The following SORCS3 variants were observed in gnomAD, a reference collection of about 807,000 sequenced individuals.
SORCS3 encodes the protein VPS10 domain-containing receptor SorCS3.
A neutral mutation model predicts 146.3 loss-of-function variants in SORCS3; 57 were observed. The ratio of observed to expected loss-of-function variants is 0.39; its 90% confidence interval spans 0.31 to 0.49. The LOEUF (loss-of-function observed/expected upper bound fraction) is 0.49, where lower values mean the gene tolerates loss of function less well. Among genes scored for constraint, SORCS3 ranks in the 20% least tolerant of loss-of-function variants. The pLI, the probability that SORCS3 is intolerant of heterozygous loss-of-function variation, is 0.92. For missense variants in SORCS3, 1,341 were observed against 1,575.5 expected (o/e 0.85, Z 2.52); for synonymous variants, 653 against 618.5 (o/e 1.06, Z -0.83).
chr10:104,751,057 C>T (rs772939031), intron 1 of SORCS3, among the ~76,000 whole-genome samples: 5 of 151,992 alleles, frequency 3.3e-5, no homozygotes, highest in African/African-American at 1.2e-4. Context: ...GGGAGAAGCA[C>T]ACAGCAAGAA....
intron 1 of SORCS3, among the ~76,000 whole-genome samples, chr10:104,649,721 A>C (rs894968049): frequency 3.3e-5 from 5 of 152,356 alleles, no homozygotes; most frequent in African/African-American, 1.2e-4. Context: ...TGTATTCTTG[A>C]AATTCATACT....
chr10:104,890,162 G>GT (rs2018733913), intron 2 of SORCS3, among the ~76,000 whole-genome samples: 1 of 151,918 alleles, frequency 6.6e-6, no homozygotes, highest in Non-Finnish European at 1.5e-5. Flanking sequence ...GATTCTTGTG[G>GT]TTGGAAGTTT....
chr10:104,726,585 AG>A (rs921951505), intron 1 of SORCS3, among the ~76,000 whole-genome samples: 2 of 151,572 alleles, frequency 1.3e-5, no homozygotes, highest in African/African-American at 4.9e-5. Flanking sequence ...GACGACCCCC[AG>A]GGGGCTCTCC....
chr10:104,720,043 G>A (rs1464437286), intron 1 of SORCS3, among the ~76,000 whole-genome samples: 4 of 151,744 alleles, frequency 2.6e-5, no homozygotes, highest in African/African-American at 9.7e-5. Context: ...TGTGACATAT[G>A]TATACATGTG....
chr10:104,999,728 A>T (rs1564731839), intron 4 of SORCS3, among the ~76,000 whole-genome samples: 1 of 152,138 alleles, frequency 6.6e-6, no homozygotes, highest in Non-Finnish European at 1.5e-5. Flanking sequence ...TCAGACACAT[A>T]CAAAGAGTTT....
chr10:105,225,649 GC>G (rs1328393562), intron 20 of SORCS3, among the ~76,000 whole-genome samples: 1 of 151,918 alleles, frequency 6.6e-6, no homozygotes, highest in African/African-American at 2.4e-5. Context: ...GCATTGGATT[GC>G]ATCTATAGAT....
At chr10:105,086,671 A>G (rs928309863) in intron 5 of SORCS3, among the ~76,000 whole-genome samples, 1 of 152,202 alleles carries the variant, frequency 6.6e-6, no homozygotes, top group Admixed American at 6.5e-5. Context: ...CTTCGTCAGT[A>G]TGGTGCCAAT....
intron 1 of SORCS3, among the ~76,000 whole-genome samples, chr10:104,803,665 A>G (rs932073784): frequency 2.0e-5 from 3 of 151,992 alleles, no homozygotes; most frequent in Non-Finnish European, 2.9e-5. Flanking sequence ...CTTTCTGGCT[A>G]TCTCTGGGTT....
chr10:104,760,229 G>T (rs890559563), intron 1 of SORCS3, among the ~76,000 whole-genome samples: 3 of 152,136 alleles, frequency 2.0e-5, no homozygotes, highest in Non-Finnish European at 1.5e-5. Flanking sequence ...CTTGTCTCAG[G>T]GCCAGACTGT....
intron 1 of SORCS3, among the ~76,000 whole-genome samples, chr10:104,678,247 G>A (rs1370226333): frequency 6.6e-6 from 1 of 152,050 alleles, no homozygotes; most frequent in Admixed American, 6.6e-5. Context: ...TCGTTATTTG[G>A]GATAGACTGG....
rs1295073332 is a variant in SORCS3, at chr10:104,749,479, G to C, written c.628-93313G>C. ...TTTGGCTCAAGTGTTCAATATAAAG[G>C]GTGGATTTTAAAGGGAAGCATGTAA... is the stretch of plus-strand genomic sequence containing the variant. On this transcript the variant is annotated intron_variant, in intron 1 of 26. Transcript: ENST00000369701. Among the ~76,000 whole-genome samples the C allele has an allele frequency of 2.6e-5, 4 of 152,026 alleles. No homozygotes were observed. In the East Asian group the frequency reaches 7.7e-4, roughly 29 times the overall value.
rs548169264 is a variant in SORCS3, at chr10:104,898,201, G to T, written c.696-17632G>T. On this transcript the variant is annotated intron_variant, in intron 2 of 26. Transcript: ENST00000369701. ...AAATCTCTTGGTCTCTCCAAGCCTC[G>T]CTTCTTTATTTGAAATATTGGGATA... Among the ~76,000 whole-genome samples the T allele has an allele frequency of 1.0e-3, 155 of 152,238 alleles. 2 individuals carry two copies. Among genetic ancestry groups the T allele is most frequent in the African/African-American group, 3.6e-3 (150 of 41,550 alleles).
chr10:105,253,004 C>T, intron 23 of SORCS3, 98 bp downstream of exon 23: 1 of 1,398,744 alleles, frequency 7.1e-7, no homozygotes, highest in East Asian at 2.4e-5. Context: ...AGGCTCTCTT[C>T]CATTACCCCA....
intron 23 of SORCS3, 111 bp downstream of exon 23, chr10:105,253,017 A>G: frequency 1.5e-6 from 2 of 1,309,020 alleles, no homozygotes; most frequent in Non-Finnish European, 2.1e-6. Context: ...TTACCCCAAC[A>G]GCCAAGGTTT....
intron 3 of SORCS3, among the ~76,000 whole-genome samples, chr10:104,951,203 T>G (rs2019425551): frequency 6.6e-6 from 1 of 152,248 alleles, no homozygotes; most frequent in African/African-American, 2.4e-5. Context: ...CATGTTCTTT[T>G]GGACTGAATT....
At chr10:104,782,739 C>G (rs115687277) in intron 1 of SORCS3, among the ~76,000 whole-genome samples, 3 of 152,212 alleles carry the variant, frequency 2.0e-5, no homozygotes, top group South Asian at 4.2e-4. Context: ...TATGGGATCT[C>G]GGGAAAATCA....
intron 18 of SORCS3, among the ~76,000 whole-genome samples, chr10:105,215,511 C>T (rs1395623746): frequency 6.6e-6 from 1 of 152,186 alleles, no homozygotes; most frequent in Admixed American, 6.5e-5. Context: ...ACAGATTTCT[C>T]AGCCTTCACT....
At chr10:105,130,289 T>G (rs1176647842) in intron 7 of SORCS3, among the ~76,000 whole-genome samples, 1 of 152,148 alleles carries the variant, frequency 6.6e-6, no homozygotes, top group Admixed American at 6.6e-5. Flanking sequence ...TTACTTACTA[T>G]GCAATTGGAA....
intron 1 of SORCS3, among the ~76,000 whole-genome samples, chr10:104,805,798 G>T (rs1021672895): frequency 2.0e-5 from 3 of 151,978 alleles, no homozygotes; most frequent in Non-Finnish European, 4.4e-5. Context: ...GTGGTTCCAG[G>T]TTTCCTCTCT....
Sources: gnomAD v4.1 joint callset for allele counts (sites outside exome capture counted in the v4.1 genomes callset) on GRCh38, gnomAD v4.1.1 for gene constraint, MANE v1.5 for transcripts, NCBI Gene and HGNC (gene_info 2026-07-23, HGNC 2026-07-21) for gene names.